The following LPCAT2 variants were observed in gnomAD, a reference collection of about 807,000 sequenced individuals.
The protein encoded by LPCAT2 is 1-AGP acyltransferase 11.
Under a neutral mutation model 64.7 loss-of-function variants are expected in LPCAT2, and 58 were observed. The ratio of observed to expected loss-of-function variants is 0.90; its 90% CI spans 0.73 to 1.12. LPCAT2 has a LOEUF of 1.12. LPCAT2 is among the 50% of genes most tolerant of loss of function. The pLI is 0.00. For synonymous variants in LPCAT2, 252 were observed against 245.3 expected, an observed-to-expected ratio of 1.03 and a Z score of -0.26; for missense variants, 579 against 669.8, an observed-to-expected ratio of 0.86 and a Z score of 1.50.
At chr16:55,565,079 G>A (rs1399727074) in intron 11 of LPCAT2, among the ~76,000 whole-genome samples, 2 of 152,074 alleles carry the variant, frequency 1.3e-5, no homozygotes, top group East Asian at 3.9e-4. Context: ...TGGTCAGTAA[G>A]TATTAATACA....
intron 4 of LPCAT2, among the ~76,000 whole-genome samples, chr16:55,530,302 A>G (rs1318426853): frequency 6.6e-6 from 1 of 152,104 alleles, no homozygotes; most frequent in Non-Finnish European, 1.5e-5. Flanking sequence ...CTCCTATTTC[A>G]TATTTTAGAA....
At position 55,584,823 on chromosome 16, in the gene LPCAT2, T is replaced by C. The variant is rs1436309647; in HGVS notation, c.*1725T>C. 5 of 152,206 alleles carry C rather than the reference T, an allele frequency of 3.3e-5. No individual in the cohort carries two copies. The highest frequency in any genetic ancestry group is 1.2e-4 in the African/African-American group (5 of 41,476). 9.4% of individuals were successfully genotyped at this position (152,206 alleles called of 1,614,324 possible). A position where few individuals can be genotyped will look rare whatever the true frequency, so the allele number is the denominator to read the frequency against. ...TGAAAATTTTATCCTTAAGTATATATAATTATTTGCCTCTTATATGTCTTA... is the reference window on the plus strand; with the variant it reads ...TGAAAATTTTATCCTTAAGTATATACAATTATTTGCCTCTTATATGTCTTA... On this transcript the variant is annotated 3_prime_UTR_variant, in exon 14 of 14. Coordinates refer to ENST00000262134, the MANE Select transcript of LPCAT2 (RefSeq NM_017839.5).
At chr16:55,561,216 G>A (rs1314979149) in intron 11 of LPCAT2, among the ~76,000 whole-genome samples, 1 of 151,914 alleles carries the variant, frequency 6.6e-6, no homozygotes. Context: ...CCATTTGCCA[G>A]TTGGTAAACA....
intron 11 of LPCAT2, among the ~76,000 whole-genome samples, chr16:55,565,754 A>G (rs1319496035): frequency 6.6e-6 from 1 of 152,082 alleles, no homozygotes; most frequent in African/African-American, 2.4e-5. Context: ...TGCCAGATGA[A>G]AAAAGTTCTG....
At chr16:55,570,549 G>A (rs1452058905) in intron 11 of LPCAT2, among the ~76,000 whole-genome samples, 3 of 152,026 alleles carry the variant, frequency 2.0e-5, no homozygotes, top group Non-Finnish European at 4.4e-5. Context: ...GCGGAGGATC[G>A]CTTGAGCCCG....
intron 11 of LPCAT2, among the ~76,000 whole-genome samples, chr16:55,571,137 A>G (rs1039479152): frequency 6.6e-6 from 1 of 152,264 alleles, no homozygotes; most frequent in Non-Finnish European, 1.5e-5. Context: ...TTTACTAAAC[A>G]TAAAAAGTTA....
intron 13 of LPCAT2, among the ~76,000 whole-genome samples, chr16:55,579,640 T>C (rs1408252121): frequency 6.6e-6 from 1 of 152,194 alleles, no homozygotes; most frequent in Non-Finnish European, 1.5e-5. Flanking sequence ...GACTCTACAC[T>C]TTAGTGATCT....
At chr16:55,571,326 G>A (rs1301010555) in intron 11 of LPCAT2, among the ~76,000 whole-genome samples, 1 of 152,210 alleles carries the variant, frequency 6.6e-6, no homozygotes. Flanking sequence ...CTGAAAGCTG[G>A]TGTTGTGTGA....
chr16:55,558,388 T>C (rs1035251473), intron 11 of LPCAT2, among the ~76,000 whole-genome samples: 35 of 152,254 alleles, frequency 2.3e-4, no homozygotes, highest in Admixed American at 2.1e-3. Flanking sequence ...TATTCAGCAG[T>C]TGTATGCTGC....
At position 55,579,172 on chromosome 16, in the gene LPCAT2, TCCCTTGGAGTGCCTGA is replaced by T. The variant is rs776965816; in HGVS notation, c.1381_1396del (p.Gly462MetfsTer9). The stretch of plus-strand genomic sequence containing the variant: ...AGAGTTCTCCACCATTCTACAGGCT[TCCCTTGGAGTGCCTGA>T]CCTTGATGTTTCTGGTCTCTTCAAG... On this transcript the variant is annotated frameshift_variant, in exon 13 of 14. Transcript: ENST00000262134. LOFTEE classifies it high-confidence loss of function. The T allele has an allele frequency of 1.2e-6, 2 of 1,613,320 alleles. No individual in the cohort carries two copies. The highest frequency in any genetic ancestry group is 1.7e-6 in the Non-Finnish European group (2 of 1,179,538).
chr16:55,578,985 T>A, intron 12 of LPCAT2, 124 bp from the exon 13 acceptor site: 1 of 848,192 alleles, frequency 1.2e-6, no homozygotes, highest in Non-Finnish European at 1.9e-6. Context: ...GATACTTTCT[T>A]AATATACATA....
chr16:55,523,378 C>G (rs1963125030), intron 1 of LPCAT2, among the ~76,000 whole-genome samples: 1 of 151,658 alleles, frequency 6.6e-6, no homozygotes, highest in Admixed American at 6.6e-5. Context: ...TGAAGCCACT[C>G]TGGAAAACAG....
rs1254155348 is a variant in LPCAT2 at position 55,583,031 on chromosome 16, C to T, written c.1568C>T (p.Ser523Phe). Residue 523 changes from serine to phenylalanine, a missense_variant, in exon 14 of 14, where the codon TCC becomes TTC. Transcript: ENST00000262134. ...CCAAAAGAAGTCCAGACAACCCCCTCCACCGCCAGTAATAAAGTCAGCCCT... is the reference window on the plus strand; with the variant it reads ...CCAAAAGAAGTCCAGACAACCCCCTTCACCGCCAGTAATAAAGTCAGCCCT... Reference protein sequence around the residue: ...SLPKEVQTTPSTASNKVSPEK... With the variant: ...SLPKEVQTTPFTASNKVSPEK... 3.7e-6 allele frequency: 6 copies of T among 1,613,736 alleles called. No homozygotes were observed. In the East Asian group the frequency reaches 1.3e-4, roughly 36 times the overall value.
intron 12 of LPCAT2, among the ~76,000 whole-genome samples, chr16:55,577,727 C>A (rs181598938): frequency 6.6e-6 from 1 of 152,222 alleles, no homozygotes; most frequent in Non-Finnish European, 1.5e-5. Flanking sequence ...CACTCTACTG[C>A]CTTTTCCCCT....
Position 55,533,406 on chromosome 16 carries a change from G to GTTTT in LPCAT2, c.762+543_762+546dup, listed in dbSNP as rs11335464. Among the ~76,000 whole-genome samples, 156 of 96,448 alleles carry GTTTT rather than the reference G, an allele frequency of 1.6e-3. 6 individuals are homozygous for GTTTT. The South Asian group carries it at 0.024, about 15-fold the overall frequency. 63.3% of individuals were successfully genotyped at this position (96,448 alleles called of 152,430 possible). ...CTTAACATCTTTTTTTGTTTTTCGGGTTTTTTTTTTTTTTTTTTTTTTGAG... is the reference window on the plus strand; with the variant it reads ...CTTAACATCTTTTTTTGTTTTTCGGGTTTTTTTTTTTTTTTTTTTTTTTTTTGAG... On this transcript the variant is annotated intron_variant, in intron 6 of 13. Transcript: ENST00000262134.
At position 55,583,236 on chromosome 16, in the gene LPCAT2, CT is replaced by C; in HGVS notation, c.*139del. The C allele has an allele frequency of 1.4e-6, 1 of 720,694 alleles. No individual in the cohort carries two copies. The highest frequency in any genetic ancestry group is 2.1e-6 in the Non-Finnish European group (1 of 469,862). The allele number at this position is 720,694 out of a possible 1,614,324, so 44.6% of individuals were successfully genotyped here. A position where few individuals can be genotyped will look rare whatever the true frequency, so the allele number is the denominator to read the frequency against. ...AAAACAAAAATGATAGATTTTCTTA[CT>C]AAAAATGTTTTTATTAACCTTGCTT... On this transcript the variant is annotated 3_prime_UTR_variant, in exon 14 of 14. Coordinates refer to ENST00000262134, the MANE Select transcript of LPCAT2 (RefSeq NM_017839.5).
At chr16:55,568,223 G>A (rs1472044053) in intron 11 of LPCAT2, among the ~76,000 whole-genome samples, 2 of 152,116 alleles carry the variant, frequency 1.3e-5, no homozygotes, top group Non-Finnish European at 2.9e-5. Context: ...AAAACAATAT[G>A]CTCATAGTTC....
At chr16:55,539,645 C>G (rs1199750945) in intron 8 of LPCAT2, 4 of 152,034 alleles carry the variant, frequency 2.6e-5, no homozygotes, top group African/African-American at 9.7e-5. Context: ...TATACCACAC[C>G]CTGGCTTGAA....
At chr16:55,558,707 T>G (rs1963603416) in intron 11 of LPCAT2, among the ~76,000 whole-genome samples, 1 of 152,196 alleles carries the variant, frequency 6.6e-6, no homozygotes, top group African/African-American at 2.4e-5. Context: ...ATCTCCACTA[T>G]TATAGAGCAG....
Sources: allele counts gnomAD v4.1 joint callset (sites outside exome capture counted in the v4.1 genomes callset), GRCh38; gene constraint gnomAD v4.1.1; transcripts MANE v1.5; gene names NCBI Gene and HGNC (gene_info 2026-07-23, HGNC 2026-07-21).